The following MS4A5 variants were observed in gnomAD, a reference collection of about 807,000 sequenced individuals.
The protein encoded by MS4A5 is membrane spanning 4-domains A5.
Under a neutral mutation model 18.2 loss-of-function variants are expected in MS4A5, and 15 were observed. The ratio of observed to expected loss-of-function variants is 0.83; its 90% CI spans 0.55 to 1.27. The LOEUF (loss-of-function observed/expected upper bound fraction) is 1.27. MS4A5 is among the 50% of genes most tolerant of loss of function. The probability of loss-of-function intolerance (pLI) is 0.00; values close to 1 mark genes in which losing one functional copy is unlikely to be tolerated. For synonymous variants in MS4A5, 89 were observed against 78.7 expected (o/e 1.13, Z -0.69); for missense variants, 232 against 225.7 (o/e 1.03, Z -0.18).
In MS4A5 at chr11:60,436,460, G is replaced by A. The variant is rs553138452; in HGVS notation, c.492+2543G>A. ...GACGAGTTGAGAGGAGGCTTCAGAC[G>A]ATCAAATTACTCTGAGCTATGGGAG... On this transcript the variant is annotated intron_variant, in intron 4 of 4. Coordinates refer to ENST00000300190, the MANE Select transcript of MS4A5 (RefSeq NM_023945.3). 1.8e-4 allele frequency among the ~76,000 whole-genome samples: 25 copies of A among 137,904 alleles called. 3 individuals are homozygous for A. Among genetic ancestry groups the A allele is most frequent in the African/African-American group, 4.0e-4 (16 of 40,480 alleles). 90.5% of individuals were successfully genotyped at this position (137,904 alleles called of 152,430 possible). A position where few individuals can be genotyped will look rare whatever the true frequency, so the allele number is the denominator to read the frequency against.
intron 4 of MS4A5, among the ~76,000 whole-genome samples, chr11:60,436,549 A>G (rs896696060): frequency 9.7e-5 from 13 of 134,666 alleles, no homozygotes; most frequent in African/African-American, 3.0e-4. Context: ...ATGTATAACT[A>G]GAATAACCAA....
chr11:60,433,552 G>A (rs925330275), intron 3 of MS4A5, among the ~76,000 whole-genome samples: 3 of 152,226 alleles, frequency 2.0e-5, no homozygotes. Flanking sequence ...TATGGGGAAT[G>A]GAAAGGTTAC....
chr11:60,447,726 C>G lies in MS4A5; in HGVS notation c.570C>G (p.His190Gln). Residue 190 changes from histidine to glutamine, a missense_variant, in exon 5 of 5, where the codon CAC becomes CAG. His to Gln is a conservative substitution (Grantham distance 24). Coordinates refer to ENST00000300190, the MANE Select transcript of MS4A5 (RefSeq NM_023945.3). The stretch of plus-strand genomic sequence containing the variant: ...TGCCTTTCTCAATTTTGGGGTGCCA[C>G]TCAGAGGATTGTGATTGTGAACAAT... ...ISLPFSILGC[H>Q]SEDCDCEQCC 2 of 1,600,932 alleles carry G rather than the reference C, an allele frequency of 1.2e-6. No individual in the cohort carries two copies. The highest frequency in any genetic ancestry group is 1.7e-6 in the Non-Finnish European group (2 of 1,175,572).
chr11:60,440,082 A>AGAT (rs1170806339), intron 4 of MS4A5, among the ~76,000 whole-genome samples: 2 of 134,946 alleles, frequency 1.5e-5, no homozygotes, highest in Non-Finnish European at 3.2e-5. Flanking sequence ...ACAGAGATAT[A>AGAT]GATCAATGGA....
At chr11:60,432,610 A>AC (rs2086056158) in intron 3 of MS4A5, 143 bp downstream of exon 3, 2 of 453,704 alleles carry the variant, frequency 4.4e-6, no homozygotes, top group African/African-American at 4.1e-5. Flanking sequence ...ACATGGTGAA[A>AC]CCCCATCTCT....
chr11:60,434,041 T>C, intron 4 of MS4A5, 124 bp downstream of exon 4: 1 of 863,206 alleles, frequency 1.2e-6, no homozygotes, highest in Non-Finnish European at 1.8e-6. Flanking sequence ...GACAAACATT[T>C]ATGAAATCCA....
chr11:60,435,325 C>CAAAA (rs11377519), intron 4 of MS4A5: 13 of 393,406 alleles, frequency 3.3e-5, no homozygotes, highest in Middle Eastern at 3.6e-4. Context: ...CAGAACATAG[C>CAAAA]AAAAAAAAAA....
intron 4 of MS4A5, among the ~76,000 whole-genome samples, chr11:60,437,735 T>C (rs890497049): frequency 0.014 from 2,178 of 151,722 alleles, 53 homozygotes; most frequent in African/African-American, 0.05. Context: ...ATCCTGAATA[T>C]ATATGCACCC....
chr11:60,435,063 C>T (rs2086071089), intron 4 of MS4A5, among the ~76,000 whole-genome samples: 2 of 152,220 alleles, frequency 1.3e-5, no homozygotes, highest in African/African-American at 2.4e-5. Flanking sequence ...CCTTGACAAC[C>T]TCCTTGCACG....
chr11:60,430,728 G>A, intron 1 of MS4A5, 68 bp from the exon 2 acceptor site: 1 of 1,565,262 alleles, frequency 6.4e-7, no homozygotes, highest in South Asian at 1.2e-5. Context: ...ACCAAAAGAA[G>A]ATATTCTAAA....
In MS4A5 at chr11:60,446,362, A is replaced by T. The variant is rs115620291; in HGVS notation, c.493-1287A>T. Among the ~76,000 whole-genome samples the T allele has an allele frequency of 9.1e-3, 1,384 of 152,336 alleles. 19 individuals are homozygous for T. The highest frequency in any genetic ancestry group is 0.032 in the African/African-American group (1,325 of 41,566). On this transcript the variant is annotated intron_variant, in intron 4 of 4. Coordinates refer to ENST00000300190, the MANE Select transcript of MS4A5 (RefSeq NM_023945.3). ...AGTGCAGGTCTGCAGCCTCTGGGCT[A>T]CTGACAAGATGTGTATCTCTATTTG...
At chr11:60,441,693 C>A (rs572675661) in intron 4 of MS4A5, among the ~76,000 whole-genome samples, 106 of 142,024 alleles carry the variant, frequency 7.5e-4, no homozygotes, top group African/African-American at 2.6e-3. Context: ...AGAAAGTGAA[C>A]TAGAAGATTT....
chr11:60,435,225 TC>T, intron 4 of MS4A5, among the ~76,000 whole-genome samples: 1 of 151,602 alleles, frequency 6.6e-6, no homozygotes, highest in East Asian at 1.9e-4. Flanking sequence ...CTTAATAAAT[TC>T]CCATCAAATT....
intron 4 of MS4A5, among the ~76,000 whole-genome samples, chr11:60,442,756 G>A (rs1029925219): frequency 2.0e-5 from 3 of 152,218 alleles, no homozygotes; most frequent in African/African-American, 7.2e-5. Context: ...ACTGATGGAA[G>A]TGATAAGACA....
intron 4 of MS4A5, among the ~76,000 whole-genome samples, chr11:60,444,960 C>T (rs11600482): frequency 0.29 from 43,456 of 152,086 alleles, 6,737 homozygotes; most frequent in Admixed American, 0.4. Flanking sequence ...TGATAAGGAA[C>T]TCAAATTTCT....
chr11:60,429,696 A>C lies in MS4A5; in HGVS notation c.22A>C (p.Ser8Arg). The change falls in exon 1 of 5, where the codon AGT (serine) becomes CGT (arginine). Residue 8 changes from serine to arginine, a missense_variant. Coordinates refer to ENST00000300190, the MANE Select transcript of MS4A5 (RefSeq NM_023945.3). MDSSTAH[S>R]PVFLVFPPEI... is the part of the protein sequence containing the mutation. ...CATCATGGATTCAAGCACCGCACAC[A>C]GTCCGGTGTTTCTGGTATTTCCTCC... 6.2e-7 allele frequency: 1 copy of C among 1,613,242 alleles called. No individual in the cohort carries two copies. Among genetic ancestry groups the C allele is most frequent in the East Asian group, 2.2e-5 (1 of 44,878 alleles).
At chr11:60,445,370 C>T (rs2086133392) in intron 4 of MS4A5, among the ~76,000 whole-genome samples, 3 of 152,010 alleles carry the variant, frequency 2.0e-5, no homozygotes, top group Non-Finnish European at 2.9e-5. Context: ...AGTGATTCTC[C>T]TGTCTCAGCC....
In MS4A5 at chr11:60,429,839, TTGCCCCTA is replaced by T. The variant is rs565249160; in HGVS notation, c.153+15_153+22del. ...TGAAAATCTTAGGGGTAAGTAAGACTTGCCCCTATGTATATTTTACTGAGGCAGGGGAA... is the reference window on the plus strand; with the variant it reads ...TGAAAATCTTAGGGGTAAGTAAGACTTGTATATTTTACTGAGGCAGGGGAA... On this transcript the variant is annotated intron_variant, in intron 1 of 4. Coordinates refer to ENST00000300190, the MANE Select transcript of MS4A5 (RefSeq NM_023945.3). The T allele has an allele frequency of 4.5e-5, 72 of 1,611,050 alleles. No homozygotes were observed. The African/African-American group carries it at 8.5e-4, about 19-fold the overall frequency.
In MS4A5 at chr11:60,429,671, C is replaced by T; in HGVS notation, c.-4C>T. 1 of 1,605,680 alleles carries T rather than the reference C, an allele frequency of 6.2e-7. No individual in the cohort carries two copies. Among genetic ancestry groups the T allele is most frequent in the Non-Finnish European group, 8.5e-7 (1 of 1,177,614 alleles). ...TCTCCTTTCAAATTATCACCGACAC[C>T]ATCATGGATTCAAGCACCGCACACA... is the stretch of plus-strand genomic sequence containing the variant. On this transcript the variant is annotated 5_prime_UTR_variant, in exon 1 of 5. Coordinates refer to ENST00000300190, the MANE Select transcript of MS4A5 (RefSeq NM_023945.3).
Sources: allele counts gnomAD v4.1 joint callset (sites outside exome capture counted in the v4.1 genomes callset), GRCh38; gene constraint gnomAD v4.1.1; transcripts MANE v1.5; gene names NCBI Gene and HGNC (gene_info 2026-07-23, HGNC 2026-07-21).